DAP3: variants seen among roughly 807,000 people sequenced by gnomAD.
DAP3 encodes small ribosomal subunit protein mS29.
Under a neutral mutation model 51.9 loss-of-function variants are expected in DAP3, and 28 were observed. That is an observed-to-expected ratio of 0.54 (90% CI 0.40 to 0.74). The LOEUF is 0.74. DAP3 is among the 30% of genes least tolerant of loss of function. DAP3 has a pLI of 0.00. For missense variants in DAP3, 458 were observed against 483.5 expected (o/e 0.95, Z 0.49); for synonymous variants, 170 against 170.3 (o/e 1.00, Z 0.01).
intron 3 of DAP3, 109 bp from the exon 4 acceptor site, chr1:155,721,400 GTATATATA>G: frequency 4.6e-6 from 2 of 435,406 alleles, no homozygotes; most frequent in East Asian, 3.7e-5. Flanking sequence ...ATGTATGTAT[GTATATATA>G]TATATATATA....
intron 1 of DAP3, among the ~76,000 whole-genome samples, chr1:155,697,847 C>T (rs1654726084): frequency 6.6e-6 from 1 of 152,168 alleles, no homozygotes; most frequent in African/African-American, 2.4e-5. Flanking sequence ...GAGACCAGGG[C>T]ATATTTCATC....
rs145213844 is a variant in DAP3, at chr1:155,729,367, G to A, written c.843+1G>A. The A allele has an allele frequency of 2.8e-5, 45 of 1,612,876 alleles. No homozygotes were observed. The African/African-American group carries it at 5.1e-4, about 18-fold the overall frequency. On this transcript the variant is annotated splice_donor_variant, in intron 9 of 12. Coordinates refer to ENST00000368336, the MANE Select transcript of DAP3 (RefSeq NM_004632.4). LOFTEE classifies it high-confidence loss of function. ...TCTGAAAAGAGAAGATAAAAGCCCG[G>A]TAGGAAAACTGGGTGTCTCTATCTT... is the stretch of plus-strand genomic sequence containing the variant.
At chr1:155,689,579 A>G (rs1571396741) in intron 1 of DAP3, 4 of 370,538 alleles carry the variant, frequency 1.1e-5, no homozygotes, top group East Asian at 7.2e-5. Flanking sequence ...GTACATAAAA[A>G]TTAGGCAACT....
chr1:155,708,856 C>A (rs1458108106), intron 1 of DAP3, among the ~76,000 whole-genome samples: 7 of 151,542 alleles, frequency 4.6e-5, no homozygotes. Flanking sequence ...AGGCGCCCAC[C>A]ACCACACCTA....
intron 2 of DAP3, among the ~76,000 whole-genome samples, chr1:155,714,636 G>C (rs1202405800): frequency 6.6e-6 from 1 of 151,996 alleles, no homozygotes; most frequent in Non-Finnish European, 1.5e-5. Flanking sequence ...GTGATGGCGG[G>C]CGCCTGTAAT....
At chr1:155,735,184 G>A (rs1288799118) in intron 11 of DAP3, among the ~76,000 whole-genome samples, 1 of 152,088 alleles carries the variant, frequency 6.6e-6, no homozygotes, top group South Asian at 2.1e-4. Flanking sequence ...CGAAGGCTGA[G>A]GTGGGAGAAT....
At chr1:155,737,105 A>G in intron 12 of DAP3, 42 bp downstream of exon 12, 1 of 1,382,406 alleles carries the variant, frequency 7.2e-7, no homozygotes, top group Non-Finnish European at 1.0e-6. Flanking sequence ...TTGTGATCAC[A>G]GTAGAATCCC....
intron 1 of DAP3, 36 bp downstream of exon 1, chr1:155,689,210 G>A (rs1177951567): frequency 1.4e-6 from 1 of 703,762 alleles, no homozygotes; most frequent in African/African-American, 1.7e-5. Context: ...TTGTACCGCT[G>A]AGGGAAAGGA....
In DAP3 at chr1:155,694,648, T is replaced by C. The variant is rs1397735909; in HGVS notation, c.-8+5474T>C. 4.0e-5 allele frequency among the ~76,000 whole-genome samples: 6 copies of C among 151,422 alleles called. 1 individual carries two copies. Among genetic ancestry groups the C allele is most frequent in the African/African-American group, 1.5e-4 (6 of 40,788 alleles). ...GGCGTGCTGGGAGTGGAGATCTTGG[T>C]TCCAAAATCCTTTTCTCTTCTTTGG... On this transcript the variant is annotated intron_variant, in intron 1 of 12. Transcript: ENST00000368336.
intron 11 of DAP3, among the ~76,000 whole-genome samples, chr1:155,736,276 G>T (rs989098317): frequency 2.6e-5 from 4 of 152,188 alleles, no homozygotes; most frequent in African/African-American, 9.7e-5. Flanking sequence ...ACCAGCATGA[G>T]CCACCATATT....
chr1:155,731,923 G>T lies in DAP3; in HGVS notation c.904-21G>T, dbSNP rs201853838. On this transcript the variant is annotated intron_variant, in intron 10 of 12. Coordinates refer to ENST00000368336, the MANE Select transcript of DAP3 (RefSeq NM_004632.4). ...ATCCTTTTTAACTTTTTCCAGTTCA[G>T]CCTTTTCTCTTTTCTTTCAGCATGG... is the stretch of plus-strand genomic sequence containing the variant. 3.8e-6 allele frequency: 6 copies of T among 1,586,596 alleles called. No homozygotes were observed. The East Asian group carries it at 1.1e-4, about 30-fold the overall frequency.
In DAP3 at chr1:155,698,785, G is replaced by A. The variant is rs528971301; in HGVS notation, c.-8+9611G>A. Among the ~76,000 whole-genome samples the A allele has an allele frequency of 3.9e-5, 6 of 152,314 alleles. No homozygotes were observed. The East Asian group carries it at 1.2e-3, about 29-fold the overall frequency. On this transcript the variant is annotated intron_variant, in intron 1 of 12. Coordinates refer to ENST00000368336, the MANE Select transcript of DAP3 (RefSeq NM_004632.4). ...CCACTACGCTTCAAGAGCTGCCATA[G>A]CAAGCTCAAATACATGGCGTACTTA...
intron 6 of DAP3, chr1:155,726,852 C>G (rs574316365): frequency 1.3e-5 from 2 of 151,778 alleles, no homozygotes; most frequent in East Asian, 1.9e-4. Context: ...CTGAGCTCAT[C>G]CATCATGATT....
intron 1 of DAP3, 28 bp from the exon 2 acceptor site, chr1:155,709,745 C>T (rs374129610): frequency 6.3e-7 from 1 of 1,582,248 alleles, no homozygotes; most frequent in South Asian, 1.1e-5. Flanking sequence ...TGTGGTTTAC[C>T]TTTTCACTTT....
chr1:155,735,789 AG>A (rs1659713783), intron 11 of DAP3, among the ~76,000 whole-genome samples: 2 of 149,752 alleles, frequency 1.3e-5, no homozygotes, highest in South Asian at 4.2e-4. Context: ...CTCCTGCCTC[AG>A]CCTCCCAAGT....
At chr1:155,715,932 A>C (rs147030279) in intron 2 of DAP3, among the ~76,000 whole-genome samples, 9 of 152,290 alleles carry the variant, frequency 5.9e-5, no homozygotes, top group African/African-American at 2.2e-4. Context: ...GGGCACAATT[A>C]GCAGGAAAAT....
At chr1:155,719,635 A>G (rs1432825844) in intron 3 of DAP3, among the ~76,000 whole-genome samples, 1 of 150,166 alleles carries the variant, frequency 6.7e-6, no homozygotes, top group East Asian at 2.0e-4. Context: ...TGCATCCTCC[A>G]CCTCCCGGGT....
At position 155,699,230 on chromosome 1, in the gene DAP3, G is replaced by A. The variant is rs1203703800; in HGVS notation, c.-8+10056G>A. Among the ~76,000 whole-genome samples, 3 of 152,314 alleles carry A rather than the reference G, an allele frequency of 2.0e-5. No homozygotes were observed. The South Asian group carries it at 6.2e-4, about 32-fold the overall frequency. ...CGTCATACACGTAATGTGTAGCAGAGGCGGTTTAAGTGAATCTCCTTTGTG... is the reference window on the plus strand; with the variant it reads ...CGTCATACACGTAATGTGTAGCAGAAGCGGTTTAAGTGAATCTCCTTTGTG... On this transcript the variant is annotated intron_variant, in intron 1 of 12. Coordinates refer to ENST00000368336, the MANE Select transcript of DAP3 (RefSeq NM_004632.4).
At chr1:155,721,888 C>G in intron 4 of DAP3, 1 of 513,804 alleles carries the variant, frequency 1.9e-6, no homozygotes, top group Middle Eastern at 5.1e-4. Flanking sequence ...TTTGCCTTGG[C>G]AAAATATCAT....
Sources: allele counts gnomAD v4.1 joint callset (sites outside exome capture counted in the v4.1 genomes callset), GRCh38; gene constraint gnomAD v4.1.1; transcripts MANE v1.5; gene names NCBI Gene and HGNC (gene_info 2026-07-23, HGNC 2026-07-21).